The following ZNF382 variants were observed in gnomAD, a reference collection of about 807,000 sequenced individuals.
ZNF382 encodes the protein zinc finger protein 382, also known as KRAB/zinc finger suppressor protein 1.
ZNF382 carries 20 observed loss-of-function variants against 38.8 expected under a neutral mutation model. That is an observed-to-expected ratio of 0.51 (90% CI 0.36 to 0.75). The LOEUF (loss-of-function observed/expected upper bound fraction) is 0.75. ZNF382 is among the 30% of genes least tolerant of loss of function. The pLI is 0.00. For missense variants in ZNF382, 546 were observed against 654.1 expected (o/e 0.83, Z 1.80); for synonymous variants, 202 against 223.1 (o/e 0.91, Z 0.84).
Position 36,628,893 on chromosome 19 carries a change from TC to T in ZNF382, c.*1344del. 1 of 152,700 alleles carries T rather than the reference TC, an allele frequency of 6.5e-6. No homozygotes were observed. Among genetic ancestry groups the T allele is most frequent in the Non-Finnish European group, 1.5e-5 (1 of 68,030 alleles). The allele number at this position is 152,700 out of a possible 1,614,324, so 9.5% of individuals were successfully genotyped here. A position where few individuals can be genotyped will look rare whatever the true frequency, so the allele number is the denominator to read the frequency against. The stretch of plus-strand genomic sequence containing the variant: ...AGAATGACTTTAACTGTTGCTCATT[TC>T]TTTTACACCATCAAAGAATTAATAC... On this transcript the variant is annotated 3_prime_UTR_variant, in exon 5 of 5. Transcript: ENST00000292928.
chr19:36,618,725 A>G (rs2037145232), intron 4 of ZNF382, among the ~76,000 whole-genome samples: 2 of 152,106 alleles, frequency 1.3e-5, no homozygotes, highest in African/African-American at 4.8e-5. Flanking sequence ...TTTTGATACA[A>G]ACTTCTTTGT....
chr19:36,633,414 TTC>T lies in ZNF382; in HGVS notation c.*5866_*5867del, dbSNP rs1421087105. 7.0e-6 allele frequency: 1 copy of T among 143,632 alleles called. No individual in the cohort carries two copies. The highest frequency in any genetic ancestry group is 1.5e-5 in the Non-Finnish European group (1 of 68,014). The allele number at this position is 143,632 out of a possible 1,614,324, so 8.9% of individuals were successfully genotyped here. A position where few individuals can be genotyped will look rare whatever the true frequency, so the allele number is the denominator to read the frequency against. ...AAGAATGTGGAACAACTGGAACTCT[TTC>T]TTTTTTAACTTTTGTTTTAGATTCA... On this transcript the variant is annotated 3_prime_UTR_variant, in exon 5 of 5. Coordinates refer to ENST00000292928, the MANE Select transcript of ZNF382 (RefSeq NM_032825.5).
intron 4 of ZNF382, among the ~76,000 whole-genome samples, chr19:36,622,887 T>C (rs2037180529): frequency 6.6e-6 from 1 of 152,230 alleles, no homozygotes; most frequent in East Asian, 1.9e-4. Flanking sequence ...AAAATCAAGT[T>C]TCATTTCCTC....
In ZNF382 at chr19:36,627,381, C is replaced by T. The variant is rs376683549; in HGVS notation, c.1484C>T (p.Pro495Leu). 27 of 1,614,056 alleles carry T rather than the reference C, an allele frequency of 1.7e-5. No homozygotes were observed. The highest frequency in any genetic ancestry group is 1.9e-5 in the Non-Finnish European group (22 of 1,180,008). The change falls in exon 5 of 5, where the codon CCT becomes CTT. Residue 495 changes from proline to leucine, a missense_variant. By Grantham distance (98) the Pro-to-Leu change is moderately conservative. Transcript: ENST00000292928. The part of the protein sequence containing the change: ...IHTGEKSNGC[P>L]QCGKAFSRKS... ...ACAGGAGAAAAATCCAATGGGTGTC[C>T]TCAGTGTGGGAAAGCCTTCAGTAGG... is the stretch of plus-strand genomic sequence containing the variant.
rs932393733 is a variant in ZNF382, at chr19:36,628,377, A to G, written c.*827A>G. 1 of 152,706 alleles carries G rather than the reference A, an allele frequency of 6.5e-6. No individual in the cohort carries two copies. Among genetic ancestry groups the G allele is most frequent in the Non-Finnish European group, 1.5e-5 (1 of 68,054 alleles). 9.5% of individuals were successfully genotyped at this position (152,706 alleles called of 1,614,324 possible). ...GTATTCAGTCAGATACTGGCAGACA[A>G]TTCAGAACTTTCACCACATGAGATA... On this transcript the variant is annotated 3_prime_UTR_variant, in exon 5 of 5. Transcript: ENST00000292928.
At chr19:36,607,769 A>G (rs1394688970) in intron 2 of ZNF382, 147 bp downstream of exon 2, 14 of 827,772 alleles carry the variant, frequency 1.7e-5, no homozygotes, top group Non-Finnish European at 2.4e-5. Flanking sequence ...TGAGGCAGGC[A>G]AGTGGCATGA....
At chr19:36,616,522 A>G (rs1600391242) in intron 4 of ZNF382, among the ~76,000 whole-genome samples, 3 of 152,348 alleles carry the variant, frequency 2.0e-5, no homozygotes, top group Admixed American at 2.0e-4. Flanking sequence ...AGTCAGTAAA[A>G]TAGTATTACA....
rs1005717060 is a variant in ZNF382, at chr19:36,633,159, C to T, written c.*5609C>T. 6 of 152,086 alleles carry T rather than the reference C, an allele frequency of 3.9e-5. No individual in the cohort carries two copies. Among genetic ancestry groups the T allele is most frequent in the African/African-American group, 1.5e-4 (6 of 41,358 alleles). 9.4% of individuals were successfully genotyped at this position (152,086 alleles called of 1,614,324 possible). ...GTTCACACCATTGTCCTGCCTCAGC[C>T]TCCTGAGTAGCTGGGACTACAGGCA... On this transcript the variant is annotated 3_prime_UTR_variant, in exon 5 of 5. Transcript: ENST00000292928.
intron 4 of ZNF382, among the ~76,000 whole-genome samples, chr19:36,612,752 GGCA>G (rs1437191617): frequency 6.6e-6 from 1 of 152,080 alleles, no homozygotes; most frequent in Admixed American, 6.6e-5. Context: ...TTATATCAGA[GGCA>G]TCTGTTCAAG....
chr19:36,631,295 C>T lies in ZNF382; in HGVS notation c.*3745C>T, dbSNP rs1393556044. ...CAAATCTGTACTGCATGTTACTGTGCTGGATACTATAGGCAATTGTAACAC... is the reference window on the plus strand; with the variant it reads ...CAAATCTGTACTGCATGTTACTGTGTTGGATACTATAGGCAATTGTAACAC... On this transcript the variant is annotated 3_prime_UTR_variant, in exon 5 of 5. Transcript: ENST00000292928. 1 of 152,062 alleles carries T rather than the reference C, an allele frequency of 6.6e-6. No individual in the cohort carries two copies. Among genetic ancestry groups the T allele is most frequent in the African/African-American group, 2.4e-5 (1 of 41,390 alleles). 9.4% of individuals were successfully genotyped at this position (152,062 alleles called of 1,614,324 possible). A position where few individuals can be genotyped will look rare whatever the true frequency, so the allele number is the denominator to read the frequency against.
Position 36,626,877 on chromosome 19 carries a change from A to G in ZNF382, c.980A>G (p.Asn327Ser), listed in dbSNP as rs746443074. Residue 327 changes from asparagine (N) to serine (S), a missense_variant, in exon 5 of 5, where the codon AAT (asparagine) becomes AGT (serine). By Grantham distance (46) the Asn-to-Ser change is conservative (BLOSUM62 1). Transcript: ENST00000292928. Reference sequence around the variant, plus strand: ...ACAGGTGAAAAACCTTATGTTTGCAATCAATGTGGAAAGGCCTTCCGTCAG... The same window carrying G: ...ACAGGTGAAAAACCTTATGTTTGCAGTCAATGTGGAAAGGCCTTCCGTCAG... The part of the protein sequence containing the change: ...IHTGEKPYVC[N>S]QCGKAFRQKT... The G allele has an allele frequency of 3.1e-6, 5 of 1,614,088 alleles. No homozygotes were observed. The highest frequency in any genetic ancestry group is 1.1e-5 in the South Asian group (1 of 91,086).
At position 36,626,738 on chromosome 19, in the gene ZNF382, C is replaced by G. The variant is rs1393666374; in HGVS notation, c.841C>G (p.Pro281Ala). The change falls in exon 5 of 5, where the codon CCT (proline) becomes GCT (alanine). Residue 281 changes from proline to alanine, a missense_variant. By Grantham distance (27) the Pro-to-Ala change is conservative (BLOSUM62 -1). Coordinates refer to ENST00000292928, the MANE Select transcript of ZNF382 (RefSeq NM_032825.5). ...NKYGKFLCRK[P>A]VFIMPQRPQT... ...ATATGGGAAATTCCTCTGCAGAAAG[C>G]CTGTTTTTATTATGCCTCAGAGACC... 1.4e-5 allele frequency: 23 copies of G among 1,614,128 alleles called. No individual in the cohort carries two copies. The highest frequency in any genetic ancestry group is 1.9e-5 in the Non-Finnish European group (22 of 1,180,024).
At position 36,625,089 on chromosome 19, in the gene ZNF382, AATATATATATATATATATATATAT is replaced by A. The variant is rs371760229; in HGVS notation, c.233-1025_233-1002del. 4.0e-4 allele frequency among the ~76,000 whole-genome samples: 17 copies of A among 42,994 alleles called. 2 individuals are homozygous for A. The highest frequency in any genetic ancestry group is 3.9e-3 in the South Asian group (3 of 768). 28.2% of individuals were successfully genotyped at this position (42,994 alleles called of 152,430 possible). On this transcript the variant is annotated intron_variant, in intron 4 of 4. Transcript: ENST00000292928. ...TCTCAAAAAAATAAAAATGAATTTA[AATATATATATATATATATATATAT>A]ATATATATATATATAATGTATACAC...
At chr19:36,616,053 A>G (rs1212485244) in intron 4 of ZNF382, among the ~76,000 whole-genome samples, 2 of 152,180 alleles carry the variant, frequency 1.3e-5, no homozygotes, top group African/African-American at 4.8e-5. Flanking sequence ...TTTTTCTCTT[A>G]AAACAATTTG....
At position 36,623,522 on chromosome 19, in the gene ZNF382, G is replaced by T. The variant is rs185757692; in HGVS notation, c.233-2608G>T. Reference sequence around the variant, plus strand: ...TGTGAAAGCTTAGCCGGGAGCAGTCGCTCACTCCTGTAATCTCAGCATTTT... The same window carrying T: ...TGTGAAAGCTTAGCCGGGAGCAGTCTCTCACTCCTGTAATCTCAGCATTTT... On this transcript the variant is annotated intron_variant, in intron 4 of 4. Coordinates refer to ENST00000292928, the MANE Select transcript of ZNF382 (RefSeq NM_032825.5). Among the ~76,000 whole-genome samples, 296 of 152,198 alleles carry T rather than the reference G, an allele frequency of 1.9e-3. 1 individual carries two copies. Among genetic ancestry groups the T allele is most frequent in the Admixed American group, 5.8e-3 (89 of 15,274 alleles).
rs142266051 is a variant in ZNF382, at chr19:36,605,405, G to C, written c.-85+58G>C. ...GGGCACTGGGAGCTCCGTTCCGGGA[G>C]AGCTGTCTAAGGACGCGGAACCGGG... On this transcript the variant is annotated intron_variant, in intron 1 of 4. Coordinates refer to ENST00000292928, the MANE Select transcript of ZNF382 (RefSeq NM_032825.5). The C allele has an allele frequency of 2.3e-3, 350 of 152,802 alleles. 1 individual carries two copies. The highest frequency in any genetic ancestry group is 0.011 in the South Asian group (52 of 4,838). 9.5% of individuals were successfully genotyped at this position (152,802 alleles called of 1,614,324 possible). A position where few individuals can be genotyped will look rare whatever the true frequency, so the allele number is the denominator to read the frequency against.
At chr19:36,625,089 A>AATATATATAT (rs371760229) in intron 4 of ZNF382, among the ~76,000 whole-genome samples, 2,889 of 42,522 alleles carry the variant, frequency 0.068, 243 homozygotes, top group Non-Finnish European at 0.084. Flanking sequence ...AATGAATTTA[A>AATATATATAT]ATATATATAT....
At chr19:36,610,882 G>A (rs2037072060) in intron 4 of ZNF382, 140 bp downstream of exon 4, 1 of 577,632 alleles carries the variant, frequency 1.7e-6, no homozygotes, top group African/African-American at 1.9e-5. Flanking sequence ...TAAGCATATA[G>A]TTCAGTAGCA....
Position 36,627,698 on chromosome 19 carries a change from A to ACC in ZNF382, c.*149_*150insCC. On this transcript the variant is annotated 3_prime_UTR_variant, in exon 5 of 5. Transcript: ENST00000292928. The stretch of plus-strand genomic sequence containing the variant: ...GCCTGTAAAACACACACACACACAC[A>ACC]CACACACACACAAATATTATTAGAC... 1.8e-6 allele frequency: 1 copy of ACC among 568,590 alleles called. No homozygotes were observed. Among genetic ancestry groups the ACC allele is most frequent in the Non-Finnish European group, 3.1e-6 (1 of 324,916 alleles). 35.2% of individuals were successfully genotyped at this position (568,590 alleles called of 1,614,324 possible). A position where few individuals can be genotyped will look rare whatever the true frequency, so the allele number is the denominator to read the frequency against.
Sources: allele counts gnomAD v4.1 joint callset (sites outside exome capture counted in the v4.1 genomes callset), GRCh38; gene constraint gnomAD v4.1.1; transcripts MANE v1.5; gene names NCBI Gene and HGNC (gene_info 2026-07-23, HGNC 2026-07-21).